Variants in ULK4 observed in about 807,000 individuals in gnomAD.
The protein encoded by ULK4 is unc-51 like kinase 4.
ULK4 carries 133 observed loss-of-function variants against 160.6 expected under a neutral mutation model. The observed-to-expected ratio is 0.83, with a 90% CI of 0.72 to 0.96. ULK4 has a LOEUF of 0.96. Among genes scored for constraint, ULK4 ranks in the 40% least tolerant of loss-of-function variants. The pLI is 0.00. For synonymous variants in ULK4, 534 were observed against 539.8 expected (o/e 0.99, Z 0.15); for missense variants, 1,580 against 1,499.5 (o/e 1.05, Z -0.89).
In ULK4 at chr3:41,954,803, A is replaced by G; in HGVS notation, c.-44T>C. 1 of 1,562,602 alleles carries G rather than the reference A, an allele frequency of 6.4e-7. No homozygotes were observed. Among genetic ancestry groups the G allele is most frequent in the South Asian group, 1.2e-5 (1 of 82,996 alleles). ...CATACAATAGAATAACAGCATCTCT[A>G]GCTCCTAAGAAGTAAACAAAAATGA... On this transcript the variant is annotated 5_prime_UTR_variant, in exon 2 of 37. Transcript: ENST00000301831.
At chr3:41,269,083 TTGAG>T (rs2125684273) in intron 35 of ULK4, among the ~76,000 whole-genome samples, 1 of 152,232 alleles carries the variant, frequency 6.6e-6, no homozygotes, top group East Asian at 1.9e-4. Flanking sequence ...TATGATCCAC[TTGAG>T]TGAGAATTTG....
In ULK4 at chr3:41,512,315, T is replaced by C. The variant is rs183039631; in HGVS notation, c.3227-49062A>G. 3.9e-4 allele frequency among the ~76,000 whole-genome samples: 59 copies of C among 152,302 alleles called. 1 individual carries two copies. The highest frequency in any genetic ancestry group is 1.3e-3 in the African/African-American group (52 of 41,562). Reference sequence around the variant, plus strand: ...GAGAAAGAAATAAAGGACATCCACATTGGCAAAGATAAAGTCAAACTGTCG... The same window carrying C: ...GAGAAAGAAATAAAGGACATCCACACTGGCAAAGATAAAGTCAAACTGTCG... On this transcript the variant is annotated intron_variant, in intron 32 of 36. Transcript: ENST00000301831.
chr3:41,337,409 T>C (rs1225802642), intron 35 of ULK4, among the ~76,000 whole-genome samples: 1 of 152,032 alleles, frequency 6.6e-6, no homozygotes, highest in Non-Finnish European at 1.5e-5. Flanking sequence ...CGAGGCCTCC[T>C]CATCTGCTCT....
chr3:41,477,832 C>A (rs906918966), intron 32 of ULK4, among the ~76,000 whole-genome samples: 2 of 152,192 alleles, frequency 1.3e-5, no homozygotes, highest in Non-Finnish European at 2.9e-5. Flanking sequence ...TACGGCATGG[C>A]CCCACATGAC....
At chr3:41,813,220 G>T (rs2040867868) in intron 19 of ULK4, among the ~76,000 whole-genome samples, 1 of 151,944 alleles carries the variant, frequency 6.6e-6, no homozygotes, top group Admixed American at 6.6e-5. Context: ...TTAGGTGATG[G>T]GTTGATAGGT....
In ULK4 at chr3:41,962,018, G is replaced by C. The variant is rs74816014; in HGVS notation, c.-51C>G. 2 of 152,472 alleles carry C rather than the reference G, an allele frequency of 1.3e-5. No individual in the cohort carries two copies. Among genetic ancestry groups the C allele is most frequent in the African/African-American group, 4.8e-5 (2 of 41,464 alleles). The allele number at this position is 152,472 out of a possible 1,614,324, so 9.4% of individuals were successfully genotyped here. On this transcript the variant is annotated splice_region_variant and 5_prime_UTR_variant, in exon 1 of 37. Coordinates refer to ENST00000301831, the MANE Select transcript of ULK4 (RefSeq NM_017886.4). ...CTAAAACCGCCACTGCCACGCACCT[G>C]GTAGCTAAGTCAAGAAAAGAGTCCA...
intron 32 of ULK4, among the ~76,000 whole-genome samples, chr3:41,518,735 A>G (rs2085832584): frequency 6.6e-6 from 1 of 152,214 alleles, no homozygotes; most frequent in Admixed American, 6.5e-5. Context: ...TTAAGGGAAA[A>G]AAGAGTGAGC....
rs57463009 is a variant in ULK4 at position 41,961,550 on chromosome 3, A to ACCCCTT, written c.-49+465_-49+466insAAGGGG. ...ACTCAGGGGCGCTACGTAGTCACTCACCCCCCCCCCCCCCCCCCCCGCTCC... is the reference window on the plus strand; with the variant it reads ...ACTCAGGGGCGCTACGTAGTCACTCACCCCTTCCCCCCCCCCCCCCCCCCCCGCTCC... On this transcript the variant is annotated intron_variant, in intron 1 of 36. Transcript: ENST00000301831. 2.4e-5 allele frequency among the ~76,000 whole-genome samples: 3 copies of ACCCCTT among 124,722 alleles called. 1 individual carries two copies. The highest frequency in any genetic ancestry group is 1.3e-4 in the African/African-American group (3 of 23,492). 81.8% of individuals were successfully genotyped at this position (124,722 alleles called of 152,430 possible).
intron 35 of ULK4, among the ~76,000 whole-genome samples, chr3:41,366,851 T>G (rs1002150645): frequency 6.6e-6 from 1 of 152,170 alleles, no homozygotes; most frequent in African/African-American, 2.4e-5. Flanking sequence ...TAATATACAG[T>G]TCCCATAAAG....
intron 32 of ULK4, among the ~76,000 whole-genome samples, chr3:41,507,274 T>C (rs1273384333): frequency 6.6e-6 from 1 of 150,410 alleles, no homozygotes; most frequent in East Asian, 1.9e-4. Context: ...TAAATACATT[T>C]GAAAACCAGC....
At chr3:41,278,923 GA>G (rs1264706993) in intron 35 of ULK4, among the ~76,000 whole-genome samples, 1 of 152,064 alleles carries the variant, frequency 6.6e-6, no homozygotes, top group Admixed American at 6.5e-5. Flanking sequence ...GCCGGCAGCG[GA>G]AAAAAACTGG....
At chr3:41,834,442 C>T (rs2041694138) in intron 18 of ULK4, among the ~76,000 whole-genome samples, 1 of 152,114 alleles carries the variant, frequency 6.6e-6, no homozygotes, top group Admixed American at 6.5e-5. Context: ...AATTTATCTA[C>T]ATAATCAGTG....
intron 32 of ULK4, among the ~76,000 whole-genome samples, chr3:41,474,054 C>T (rs1047185131): frequency 1.3e-4 from 19 of 151,944 alleles, no homozygotes; most frequent in African/African-American, 4.6e-4. Context: ...ATGGCCAAGG[C>T]AATATTGAAC....
rs553272744 is a variant in ULK4, at chr3:41,496,038, A to G, written c.3227-32785T>C. Reference sequence around the variant, plus strand: ...GTGAAATACAACATTAACAAAATCAAAAGTCAAACAATAAAGTAGTATTTG... The same window carrying G: ...GTGAAATACAACATTAACAAAATCAGAAGTCAAACAATAAAGTAGTATTTG... On this transcript the variant is annotated intron_variant, in intron 32 of 36. Transcript: ENST00000301831. 2.6e-5 allele frequency among the ~76,000 whole-genome samples: 4 copies of G among 152,258 alleles called. No homozygotes were observed. In the East Asian group the frequency reaches 7.7e-4, roughly 29 times the overall value.
At chr3:41,332,795 C>T (rs1375997365) in intron 35 of ULK4, among the ~76,000 whole-genome samples, 1 of 152,132 alleles carries the variant, frequency 6.6e-6, no homozygotes, top group Non-Finnish European at 1.5e-5. Context: ...TCAACCCTCT[C>T]CCCTGACTCC....
chr3:41,274,356 T>C (rs1575382458), intron 35 of ULK4, among the ~76,000 whole-genome samples: 1 of 152,236 alleles, frequency 6.6e-6, no homozygotes, highest in Non-Finnish European at 1.5e-5. Context: ...GTTTGCCATA[T>C]ATTTTAAGGC....
intron 23 of ULK4, among the ~76,000 whole-genome samples, chr3:41,717,371 T>C (rs1174164612): frequency 6.6e-6 from 1 of 152,172 alleles, no homozygotes; most frequent in Admixed American, 6.5e-5. Context: ...GAGAAAATTC[T>C]TTTCTTCTGA....
intron 25 of ULK4, among the ~76,000 whole-genome samples, chr3:41,706,723 G>A (rs1179733163): frequency 4.6e-5 from 7 of 151,186 alleles, no homozygotes; most frequent in Non-Finnish European, 1.0e-4. Context: ...AGCTACTCAG[G>A]AGGCTGAGGC....
intron 32 of ULK4, among the ~76,000 whole-genome samples, chr3:41,534,741 A>C (rs922385327): frequency 6.6e-6 from 1 of 152,150 alleles, no homozygotes; most frequent in Non-Finnish European, 1.5e-5. Flanking sequence ...GAAAGAAAAC[A>C]TGCTAATTAC....
Sources: gnomAD v4.1 joint callset for allele counts (sites outside exome capture counted in the v4.1 genomes callset) on GRCh38, gnomAD v4.1.1 for gene constraint, MANE v1.5 for transcripts, NCBI Gene and HGNC (gene_info 2026-07-23, HGNC 2026-07-21) for gene names.